Variants in UTRN observed in about 807,000 individuals in gnomAD.
UTRN encodes dystrophin-related protein 1.
A neutral mutation model predicts 463.9 loss-of-function variants in UTRN; 283 were observed. That is an observed-to-expected ratio of 0.61 (90% CI 0.55 to 0.67). UTRN has a LOEUF of 0.67. Among genes scored for constraint, UTRN ranks in the 30% least tolerant of loss-of-function variants. UTRN has a pLI of 0.00. For synonymous variants in UTRN, 1,442 were observed against 1,431.5 expected, an observed-to-expected ratio of 1.01 and a Z score of -0.17; for missense variants, 3,922 against 4,084.3, an observed-to-expected ratio of 0.96 and a Z score of 1.08.
chr6:144,835,751 C>A (rs1294548472), intron 69 of UTRN, 29 bp from the exon 70 acceptor site: 1 of 1,612,844 alleles, frequency 6.2e-7, no homozygotes, highest in Middle Eastern at 1.7e-4. Context: ...AGATGTGAGC[C>A]TCTGGGTCTG....
At chr6:144,729,048 G>A (rs1274994080) in intron 53 of UTRN, among the ~76,000 whole-genome samples, 1 of 152,092 alleles carries the variant, frequency 6.6e-6, no homozygotes, top group Non-Finnish European at 1.5e-5. Flanking sequence ...GGTTTCTAGA[G>A]TAGTACTTGA....
chr6:144,593,446 G>T (rs1803324169), intron 51 of UTRN, among the ~76,000 whole-genome samples: 1 of 152,164 alleles, frequency 6.6e-6, no homozygotes, highest in Non-Finnish European at 1.5e-5. Flanking sequence ...ATAGGCTGAA[G>T]TGAAGCCTTG....
chr6:144,446,913 A>T (rs901176920), intron 14 of UTRN, among the ~76,000 whole-genome samples: 1 of 152,104 alleles, frequency 6.6e-6, no homozygotes, highest in Non-Finnish European at 1.5e-5. Flanking sequence ...TCCTTTGGAG[A>T]CTTGCATAGT....
At chr6:144,331,716 T>C (rs1447474476) in intron 2 of UTRN, among the ~76,000 whole-genome samples, 1 of 152,150 alleles carries the variant, frequency 6.6e-6, no homozygotes, top group Non-Finnish European at 1.5e-5. Flanking sequence ...AGCAGCGTGG[T>C]AAGACGTGTG....
chr6:144,623,140 G>A (rs1775599761), intron 51 of UTRN, among the ~76,000 whole-genome samples: 1 of 152,128 alleles, frequency 6.6e-6, no homozygotes, highest in Non-Finnish European at 1.5e-5. Flanking sequence ...TTGAGTTTGG[G>A]TCCTGATTTT....
chr6:144,386,430 G>A (rs1328797352), intron 2 of UTRN, among the ~76,000 whole-genome samples: 1 of 152,114 alleles, frequency 6.6e-6, no homozygotes, highest in Admixed American at 6.5e-5. Flanking sequence ...CTGCACTCAA[G>A]CCTAGGTGAC....
intron 57 of UTRN, among the ~76,000 whole-genome samples, chr6:144,755,573 A>G (rs780025559): frequency 1.5e-4 from 23 of 152,184 alleles, no homozygotes; most frequent in Non-Finnish European, 2.6e-4. Flanking sequence ...TGAGAACTCA[A>G]TGACAAGGCA....
chr6:144,732,287 TATATATATACAC>T (rs1363542409), intron 54 of UTRN, among the ~76,000 whole-genome samples: 66 of 131,414 alleles, frequency 5.0e-4, no homozygotes, highest in Middle Eastern at 4.2e-3. Context: ...TACACACATA[TATATATATACAC>T]ATATATATAT....
chr6:144,697,441 G>A (rs1254809394), intron 52 of UTRN, among the ~76,000 whole-genome samples: 2 of 152,010 alleles, frequency 1.3e-5, no homozygotes, highest in South Asian at 2.1e-4. Flanking sequence ...CAAAGCATTC[G>A]ACCTGTTGCC....
In UTRN at chr6:144,589,547, G is replaced by T. The variant is rs1249406578; in HGVS notation, c.7479+12259G>T. Among the ~76,000 whole-genome samples the T allele has an allele frequency of 4.6e-5, 7 of 152,118 alleles. No homozygotes were observed. In the East Asian group the frequency reaches 7.7e-4, roughly 17 times the overall value. ...CTCTCTACCTGTAATTTTAGATAGAGAATTTTTGGAATTATATTGGGATAA... is the reference window on the plus strand; with the variant it reads ...CTCTCTACCTGTAATTTTAGATAGATAATTTTTGGAATTATATTGGGATAA... On this transcript the variant is annotated intron_variant, in intron 51 of 74. Transcript: ENST00000367545.
intron 64 of UTRN, chr6:144,799,538 A>T: frequency 6.4e-6 from 3 of 470,870 alleles, no homozygotes; most frequent in South Asian, 4.7e-5. Context: ...TCTGGTAGAC[A>T]TAGATGTATG....
At chr6:144,642,911 TA>T (rs1777910038) in intron 51 of UTRN, among the ~76,000 whole-genome samples, 1 of 152,212 alleles carries the variant, frequency 6.6e-6, no homozygotes, top group Non-Finnish European at 1.5e-5. Context: ...CCTAATTTAA[TA>T]CTTTTTTGCT....
chr6:144,495,366 T>C lies in UTRN; in HGVS notation c.4593+1910T>C, dbSNP rs1435023358. On this transcript the variant is annotated intron_variant, in intron 33 of 74. Coordinates refer to ENST00000367545, the MANE Select transcript of UTRN (RefSeq NM_007124.3). ...GGGCTGGCACTGCTGGGGGACCCAG[T>C]ACACCCTCCACAGCCGCTGGCCCGG... Among the ~76,000 whole-genome samples the C allele has an allele frequency of 4.6e-5, 7 of 152,336 alleles. No individual in the cohort carries two copies. The South Asian group carries it at 1.4e-3, about 32-fold the overall frequency.
Position 144,428,790 on chromosome 6 carries a change from C to G in UTRN, c.591C>G (p.Phe197Leu). The G allele has an allele frequency of 6.2e-7, 1 of 1,606,198 alleles. No individual in the cohort carries two copies. The highest frequency in any genetic ancestry group is 8.5e-7 in the Non-Finnish European group (1 of 1,176,392). Reference protein sequence around the residue: ...AVLHRHKPDLFSWDKVVKMSP... With the variant: ...AVLHRHKPDLLSWDKVVKMSP... ...GCATGGTTTTCAGACCTGATCTCTTCAGCTGGGATAAAGTTGTCAAAATGT... is the reference window on the plus strand; with the variant it reads ...GCATGGTTTTCAGACCTGATCTCTTGAGCTGGGATAAAGTTGTCAAAATGT... Residue 197 changes from phenylalanine (F) to leucine (L), a missense_variant, in exon 8 of 75, where the codon TTC (phenylalanine) becomes TTG (leucine). By Grantham distance (22) the Phe-to-Leu change is conservative. Transcript: ENST00000367545.
chr6:144,715,493 CT>C (rs773174404), intron 53 of UTRN, among the ~76,000 whole-genome samples: 7 of 152,274 alleles, frequency 4.6e-5, no homozygotes, highest in Admixed American at 1.3e-4. Flanking sequence ...GACCTACCCC[CT>C]ACTCACACCT....
intron 2 of UTRN, among the ~76,000 whole-genome samples, chr6:144,341,657 A>G (rs1362231890): frequency 6.6e-6 from 1 of 152,210 alleles, no homozygotes. Flanking sequence ...TACTGACAAA[A>G]GGCTGCTTTT....
chr6:144,371,489 G>A (rs1353520803), intron 2 of UTRN, among the ~76,000 whole-genome samples: 1 of 152,152 alleles, frequency 6.6e-6, no homozygotes, highest in Non-Finnish European at 1.5e-5. Context: ...TCGGCTCACC[G>A]CAACCTCCGC....
At chr6:144,755,220 A>G (rs1791858743) in intron 57 of UTRN, among the ~76,000 whole-genome samples, 1 of 152,188 alleles carries the variant, frequency 6.6e-6, no homozygotes, top group Admixed American at 6.5e-5. Flanking sequence ...ATCACTCCCC[A>G]TAAATCTTTA....
Position 144,507,920 on chromosome 6 carries a change from C to T in UTRN, c.4765-3024C>T, listed in dbSNP as rs145739095. 1.1e-4 allele frequency among the ~76,000 whole-genome samples: 17 copies of T among 152,330 alleles called. No individual in the cohort carries two copies. In the East Asian group the frequency reaches 3.1e-3, roughly 28 times the overall value. On this transcript the variant is annotated intron_variant, in intron 34 of 74. Coordinates refer to ENST00000367545, the MANE Select transcript of UTRN (RefSeq NM_007124.3). ...GGCAGATGGGAGTTTTCTCTATAAG[C>T]CCCTTGCTGGGGCTGCCACCCTTCT...
Sources: allele counts gnomAD v4.1 joint callset (sites outside exome capture counted in the v4.1 genomes callset), GRCh38; gene constraint gnomAD v4.1.1; transcripts MANE v1.5; gene names NCBI Gene and HGNC (gene_info 2026-07-23, HGNC 2026-07-21).